NOP14: variants seen among roughly 807,000 people sequenced by gnomAD.
NOP14 encodes nucleolar protein 14.
A neutral mutation model predicts 101.6 loss-of-function variants in NOP14; 57 were observed. That is an observed-to-expected ratio of 0.56 (90% confidence interval 0.45 to 0.70). NOP14 has a LOEUF of 0.70. Among genes scored for constraint, NOP14 ranks in the 30% least tolerant of loss-of-function variants. The probability of loss-of-function intolerance (pLI) is 0.00; values close to 1 mark genes in which losing one functional copy is unlikely to be tolerated. For missense variants in NOP14, 1,134 were observed against 1,075.5 expected (o/e 1.05, Z -0.76); for synonymous variants, 428 against 424.0 (o/e 1.01, Z -0.12).
At chr4:2,960,702 T>C (rs1481932721) in intron 1 of NOP14, among the ~76,000 whole-genome samples, 5 of 135,814 alleles carry the variant, frequency 3.7e-5, no homozygotes, top group African/African-American at 1.2e-4. Flanking sequence ...ATCACATTAA[T>C]ATTAATATAT....
In NOP14 at chr4:2,944,153, A is replaced by C; in HGVS notation, c.1811T>G (p.Leu604Trp). 1 of 1,614,108 alleles carries C rather than the reference A, an allele frequency of 6.2e-7. No individual in the cohort carries two copies. Among genetic ancestry groups the C allele is most frequent in the Non-Finnish European group, 8.5e-7 (1 of 1,179,960 alleles). Residue 604 changes from leucine (L) to tryptophan (W), a missense_variant, in exon 13 of 18, where the codon TTG becomes TGG. Physicochemically the swap from Leu to Trp is moderately conservative, Grantham distance 61. Transcript: ENST00000416614. ...AAGCTCAGGTATAAACCTCTGGGAC[A>C]AAGCCACATACTCCAGGAACAGGCA... is the stretch of plus-strand genomic sequence containing the variant. Reference protein sequence around the residue: ...VCCLFLEYVALSQRFIPELIN... With the variant: ...VCCLFLEYVAWSQRFIPELIN...
chr4:2,948,486 G>A lies in NOP14; in HGVS notation c.1283-78C>T, dbSNP rs181175102. 11 of 1,171,014 alleles carry A rather than the reference G, an allele frequency of 9.4e-6. No homozygotes were observed. The Admixed American group carries it at 1.3e-4, about 14-fold the overall frequency. 72.5% of individuals were successfully genotyped at this position (1,171,014 alleles called of 1,614,324 possible). A position where few individuals can be genotyped will look rare whatever the true frequency, so the allele number is the denominator to read the frequency against. ...ATATTTATTTTTGAGATGGAGTCTCGCTCTGTTGCCCAGGCTGGAGTGCAG... is the reference window on the plus strand; with the variant it reads ...ATATTTATTTTTGAGATGGAGTCTCACTCTGTTGCCCAGGCTGGAGTGCAG... On this transcript the variant is annotated intron_variant, in intron 8 of 17. Transcript: ENST00000416614.
intron 1 of NOP14, among the ~76,000 whole-genome samples, chr4:2,959,618 AAAC>A (rs1715594999): frequency 6.6e-6 from 1 of 152,016 alleles, no homozygotes; most frequent in African/African-American, 2.4e-5. Flanking sequence ...CAAAAAACAC[AAAC>A]AAACCACCTT....
intron 13 of NOP14, among the ~76,000 whole-genome samples, chr4:2,943,619 A>G (rs1439356821): frequency 6.6e-6 from 1 of 152,282 alleles, no homozygotes; most frequent in Non-Finnish European, 1.5e-5. Flanking sequence ...GCGACACAGC[A>G]GCGCGGCCTG....
intron 6 of NOP14, among the ~76,000 whole-genome samples, chr4:2,951,833 C>T (rs1715045221): frequency 6.6e-6 from 1 of 152,158 alleles, no homozygotes; most frequent in South Asian, 2.1e-4. Context: ...TGGGGCCAGG[C>T]GCGGTGGCTC....
chr4:2,945,336 T>A (rs1475373821), intron 11 of NOP14, 107 bp from the exon 12 acceptor site: 1 of 815,758 alleles, frequency 1.2e-6, no homozygotes, highest in Non-Finnish European at 2.0e-6. Flanking sequence ...GAGGAGAGGG[T>A]GCATCTCCTT....
rs965334013 is a variant in NOP14, at chr4:2,963,370, G to A, written c.-51C>T. 6.7e-7 allele frequency: 1 copy of A among 1,491,694 alleles called. No individual in the cohort carries two copies. The highest frequency in any genetic ancestry group is 8.9e-7 in the Non-Finnish European group (1 of 1,127,848). 92.4% of individuals were successfully genotyped at this position (1,491,694 alleles called of 1,614,324 possible). ...GCCCGAGACCCGAAGAGAGACAGGC[G>A]CGCGCTACCCTAAGACACGTGCCGG... On this transcript the variant is annotated 5_prime_UTR_variant, in exon 1 of 18. Transcript: ENST00000416614.
At chr4:2,952,521 GC>G in intron 5 of NOP14, 124 bp from the exon 6 acceptor site, 1 of 835,594 alleles carries the variant, frequency 1.2e-6, no homozygotes, top group Non-Finnish European at 1.7e-6. Context: ...AAGTAGCTAA[GC>G]CACATCTACG....
rs930621296 is a variant in NOP14, at chr4:2,946,846, T to C, written c.1500-299A>G. On this transcript the variant is annotated intron_variant, in intron 10 of 17. Coordinates refer to ENST00000416614, the MANE Select transcript of NOP14 (RefSeq NM_001291978.2). ...GCTGACAGCTCCAAGGCACTTTCCA[T>C]ATTAACTCATTTATTCCTCACGACA... The C allele has an allele frequency of 2.4e-5, 10 of 414,850 alleles. No individual in the cohort carries two copies. In the East Asian group the frequency reaches 4.1e-4, roughly 17 times the overall value. The allele number at this position is 414,850 out of a possible 1,614,324, so 25.7% of individuals were successfully genotyped here. A position where few individuals can be genotyped will look rare whatever the true frequency, so the allele number is the denominator to read the frequency against.
At chr4:2,939,163 T>C (rs545103184) in intron 17 of NOP14, 25 bp downstream of exon 17, 29 of 1,613,316 alleles carry the variant, frequency 1.8e-5, no homozygotes, top group South Asian at 9.9e-5. Context: ...ACCACAATCG[T>C]GTCGCACACA....
At chr4:2,941,415 C>T (rs1489957115) in intron 15 of NOP14, 167 bp downstream of exon 15, 42 of 648,772 alleles carry the variant, frequency 6.5e-5, no homozygotes, top group South Asian at 4.6e-4. Context: ...CACTGCTCAC[C>T]GTCACTGCCC....
chr4:2,950,099 T>A lies in NOP14; in HGVS notation c.1117A>T (p.Ser373Cys). 6.2e-7 allele frequency: 1 copy of A among 1,614,068 alleles called. No individual in the cohort carries two copies. The highest frequency in any genetic ancestry group is 8.5e-7 in the Non-Finnish European group (1 of 1,179,986). ...DSSGGEDTEE[S>C]DSPDSHLDLE... ...TCCAAGTGGCTATCTGGGCTGTCGCTCTCCTCTGTGTCCTCCCCGCCTGAA... is the reference window on the plus strand; with the variant it reads ...TCCAAGTGGCTATCTGGGCTGTCGCACTCCTCTGTGTCCTCCCCGCCTGAA... The change falls in exon 8 of 18, where the codon AGC becomes TGC. Residue 373 changes from serine to cysteine, a missense_variant. By Grantham distance (112) the Ser-to-Cys change is moderately radical (BLOSUM62 -1). Coordinates refer to ENST00000416614, the MANE Select transcript of NOP14 (RefSeq NM_001291978.2).
chr4:2,960,694 CACATTAATATTAATATATTAATATT>C (rs1715685718), intron 1 of NOP14, among the ~76,000 whole-genome samples: 2 of 113,972 alleles, frequency 1.8e-5, no homozygotes, highest in Non-Finnish European at 1.8e-5. Context: ...ATATTATAAT[CACATTAATATTAATATATTAATATT>C]ATAATCACAT....
rs1401036078 is a variant in NOP14 at position 2,945,157 on chromosome 4, G to A, written c.1708C>T (p.Leu570Phe). 5 of 1,592,724 alleles carry A rather than the reference G, an allele frequency of 3.1e-6. No individual in the cohort carries two copies. The highest frequency in any genetic ancestry group is 4.3e-6 in the Non-Finnish European group (5 of 1,169,456). ...GTGAGCAGCTGACTGAGGCACACGA[G>A]GGCAGGGGTCACCACTGGGTGCCAG... ...DFWHPVVTPALVCLSQLLTKC... is the reference protein window; with the variant it reads ...DFWHPVVTPAFVCLSQLLTKC... Residue 570 changes from leucine (L) to phenylalanine (F), a missense_variant, in exon 12 of 18, where the codon CTC becomes TTC. Coordinates refer to ENST00000416614, the MANE Select transcript of NOP14 (RefSeq NM_001291978.2).
chr4:2,940,038 G>A lies in NOP14; in HGVS notation c.2200-393C>T, dbSNP rs533458874. 3.3e-5 allele frequency among the ~76,000 whole-genome samples: 5 copies of A among 152,356 alleles called. No homozygotes were observed. The East Asian group carries it at 7.7e-4, about 24-fold the overall frequency. On this transcript the variant is annotated intron_variant, in intron 15 of 17. Coordinates refer to ENST00000416614, the MANE Select transcript of NOP14 (RefSeq NM_001291978.2). ...AGGCCGTGAGCCACTTGCTTCGTGA[G>A]AAGGCTCACAGGAGAACCCCTTTCT...
intron 5 of NOP14, among the ~76,000 whole-genome samples, chr4:2,952,850 A>G (rs1466652517): frequency 6.6e-6 from 1 of 152,206 alleles, no homozygotes; most frequent in Non-Finnish European, 1.5e-5. Context: ...GGCTGAGGCA[A>G]GAGAATCACT....
At position 2,951,190 on chromosome 4, in the gene NOP14, G is replaced by A. The variant is rs1179598649; in HGVS notation, c.926C>T (p.Pro309Leu). ...GKDEDENVKK[P>L]KHMSADDLND... is the part of the protein sequence containing the mutation. ...CAGATCATCTGCTGACATATGTTTT[G>A]GTTTCTTAACATTTTCATCCTCATC... Residue 309 changes from proline (P) to leucine (L), a missense_variant, in exon 7 of 18, where the codon CCA (proline) becomes CTA (leucine). Transcript: ENST00000416614. The A allele has an allele frequency of 3.7e-6, 6 of 1,613,602 alleles. No homozygotes were observed. In the South Asian group the frequency reaches 6.6e-5, roughly 18 times the overall value.
chr4:2,960,840 T>C (rs1456522036), intron 1 of NOP14, among the ~76,000 whole-genome samples: 2 of 126,484 alleles, frequency 1.6e-5, no homozygotes, highest in African/African-American at 3.2e-5. Context: ...ATATTAATAT[T>C]ATAATCACAT....
At chr4:2,960,846 CACATTATCAATATATT>C (rs1560311065) in intron 1 of NOP14, among the ~76,000 whole-genome samples, 5 of 72,620 alleles carry the variant, frequency 6.9e-5, no homozygotes, top group African/African-American at 3.2e-4. Flanking sequence ...ATATTATAAT[CACATTATCAATATATT>C]AATATTATAA....
Sources: gnomAD v4.1 joint callset for allele counts (sites outside exome capture counted in the v4.1 genomes callset) on GRCh38, gnomAD v4.1.1 for gene constraint, MANE v1.5 for transcripts, NCBI Gene and HGNC (gene_info 2026-07-23, HGNC 2026-07-21) for gene names.